Variants in PCDHGA2 observed in about 807,000 individuals in gnomAD.
The protein encoded by PCDHGA2 is protocadherin gamma subfamily A, 2.
In PCDHGA2, 40 loss-of-function variants were observed where a neutral mutation model predicts 59.2. The observed-to-expected ratio is 0.68, with a 90% CI of 0.52 to 0.88. PCDHGA2 has a LOEUF of 0.88. PCDHGA2 is among the 40% of genes least tolerant of loss of function. The pLI is 0.00. For missense variants in PCDHGA2, 1,226 were observed against 1,204.0 expected (o/e 1.02, Z -0.27); for synonymous variants, 560 against 526.0 (o/e 1.06, Z -0.89).
intron 1 of PCDHGA2, among the ~76,000 whole-genome samples, chr5:141,347,997 A>G (rs888137626): frequency 6.6e-6 from 1 of 152,220 alleles, no homozygotes; most frequent in African/African-American, 2.4e-5. Context: ...AATATGTCTC[A>G]GCCTCTGCGG....
At chr5:141,389,141 C>T (rs919430175) in intron 1 of PCDHGA2, 1 of 1,613,996 alleles carries the variant, frequency 6.2e-7, no homozygotes, top group Non-Finnish European at 8.5e-7. Flanking sequence ...ACAATATAAC[C>T]GTTACGGCAA....
chr5:141,495,900 G>A (rs1403705200), intron 2 of PCDHGA2, among the ~76,000 whole-genome samples: 2 of 151,894 alleles, frequency 1.3e-5, no homozygotes, highest in East Asian at 1.9e-4. Context: ...CTTTGTCTCT[G>A]TCTCTGTATA....
intron 1 of PCDHGA2, chr5:141,428,516 G>A (rs763205471): frequency 3.6e-6 from 1 of 281,256 alleles, no homozygotes; most frequent in Non-Finnish European, 7.0e-6. Context: ...TCTAGAAAAA[G>A]AAGATTTAAT....
chr5:141,405,431 T>C (rs1308544171), intron 1 of PCDHGA2: 18 of 1,490,646 alleles, frequency 1.2e-5, no homozygotes, highest in Non-Finnish European at 1.6e-5. Context: ...TGTTTTGTTT[T>C]GTTTTTGAGA....
intron 1 of PCDHGA2, chr5:141,352,334 T>C: frequency 1.9e-6 from 3 of 1,614,084 alleles, no homozygotes; most frequent in Non-Finnish European, 2.5e-6. Context: ...GGTTGTGGCC[T>C]TGGCCTTGAT....
intron 1 of PCDHGA2, chr5:141,384,099 T>A (rs1456303515): frequency 6.3e-7 from 1 of 1,597,622 alleles, no homozygotes; most frequent in Non-Finnish European, 8.5e-7. Flanking sequence ...CAATAGATAA[T>A]TATTATAGAT....
rs762783104 is a variant in PCDHGA2 at position 141,485,601 on chromosome 5, G to A, written c.2425-9206G>A. 4.3e-6 allele frequency: 7 copies of A among 1,612,290 alleles called. No homozygotes were observed. The highest frequency in any genetic ancestry group is 5.9e-6 in the Non-Finnish European group (7 of 1,178,722). On this transcript the variant is annotated intron_variant, in intron 1 of 3. Transcript: ENST00000394576. The surrounding 1 kb of genome is among the most constrained non-coding windows in gnomAD (Gnocchi z 5.7). ...CGGCAGCAGCTGGACTTGGAAATTG[G>A]GGAGGCAGCTCCTCCAGGACAGCGT...
intron 1 of PCDHGA2, chr5:141,419,566 C>G: frequency 3.1e-6 from 5 of 1,611,792 alleles, no homozygotes; most frequent in Non-Finnish European, 2.5e-6. Context: ...CGCTGGGTCC[C>G]GACGGCTCCG....
Position 141,417,626 on chromosome 5 carries a change from T to C in PCDHGA2, c.2424+76231T>C, listed in dbSNP as rs1156653216. ...CCGTCGGCCAGTGCAGAGCAAGCGC[T>C]GACGCCGGGGATCCCTCAGCCTCTA... On this transcript the variant is annotated intron_variant, in intron 1 of 3. Coordinates refer to ENST00000394576, the MANE Select transcript of PCDHGA2 (RefSeq NM_018915.4). The C allele has an allele frequency of 4.4e-6, 3 of 689,458 alleles. No homozygotes were observed. In the African/African-American group the frequency reaches 5.4e-5, roughly 12 times the overall value. The allele number at this position is 689,458 out of a possible 1,614,324, so 42.7% of individuals were successfully genotyped here. A position where few individuals can be genotyped will look rare whatever the true frequency, so the allele number is the denominator to read the frequency against.
chr5:141,457,428 C>G (rs72790053), intron 1 of PCDHGA2, among the ~76,000 whole-genome samples: 1,866 of 152,262 alleles, frequency 0.012, 18 homozygotes, highest in Non-Finnish European at 0.017. Context: ...TTTTTCCCCC[C>G]CACCAAGCTG....
chr5:141,384,754 G>A, intron 1 of PCDHGA2: 1 of 1,614,042 alleles, frequency 6.2e-7, no homozygotes, highest in Non-Finnish European at 8.5e-7. Flanking sequence ...ACTCTTTGCG[G>A]TTGGGCTGTA....
chr5:141,342,848 G>A (rs760284355), intron 1 of PCDHGA2: 2 of 152,140 alleles, frequency 1.3e-5, no homozygotes, highest in Non-Finnish European at 2.9e-5. Flanking sequence ...ATTTCTACTA[G>A]TTTCAGTTGG....
chr5:141,509,350 G>C (rs2099876432), intron 3 of PCDHGA2, among the ~76,000 whole-genome samples: 5 of 152,142 alleles, frequency 3.3e-5, no homozygotes. Flanking sequence ...GGGCTGGCCT[G>C]GGCATCCCTG....
chr5:141,450,663 T>C (rs957466690), intron 1 of PCDHGA2, among the ~76,000 whole-genome samples: 1 of 151,652 alleles, frequency 6.6e-6, no homozygotes, highest in Non-Finnish European at 1.5e-5. Flanking sequence ...ATTTTTGTAC[T>C]TTTAGTAGAA....
At chr5:141,403,582 G>T in intron 1 of PCDHGA2, 1 of 1,613,910 alleles carries the variant, frequency 6.2e-7, no homozygotes. Context: ...CCCACCACCT[G>T]GTCCTCACGG....
chr5:141,360,540 G>A (rs1761641770), intron 1 of PCDHGA2: 1 of 1,613,928 alleles, frequency 6.2e-7, no homozygotes, highest in East Asian at 2.2e-5. Flanking sequence ...TATTCAAACA[G>A]ACTAAGATTA....
chr5:141,427,638 C>A, intron 1 of PCDHGA2: 1 of 708,528 alleles, frequency 1.4e-6, no homozygotes, highest in East Asian at 2.7e-5. Context: ...GGTTTTCCAC[C>A]AAGTCTCCTA....
At chr5:141,381,826 C>CTTTTTTTTTT (rs770630741) in intron 1 of PCDHGA2, among the ~76,000 whole-genome samples, 29 of 74,274 alleles carry the variant, frequency 3.9e-4, no homozygotes, top group South Asian at 5.1e-4. Context: ...CTTTCTTCTT[C>CTTTTTTTTTT]TTTTTTTTTT....
Position 141,389,109 on chromosome 5 carries a change from G to A in PCDHGA2, c.2424+47714G>A, listed in dbSNP as rs144915863. On this transcript the variant is annotated intron_variant, in intron 1 of 3. Transcript: ENST00000394576. ...TAAATTAGTGACAGATGCTGTTCTA[G>A]ACCGCGAGCAGAATCCAGAGTACAA... 616 of 1,614,020 alleles carry A rather than the reference G, an allele frequency of 3.8e-4. 2 individuals are homozygous for A. The highest frequency in any genetic ancestry group is 1.2e-3 in the Middle Eastern group (7 of 6,062).
Sources: allele counts gnomAD v4.1 joint callset (sites outside exome capture counted in the v4.1 genomes callset), GRCh38; gene constraint gnomAD v4.1.1; non-coding constraint Gnocchi (gnomAD v3.1); transcripts MANE v1.5; gene names NCBI Gene and HGNC (gene_info 2026-07-23, HGNC 2026-07-21).